B4GALNT3: variants seen among roughly 807,000 people sequenced by gnomAD.
B4GALNT3 encodes the protein beta-1,4-N-acetyl-galactosaminyltransferase 3, also known as beta-1,4-N-acetylgalactosaminyltransferase 3.
In B4GALNT3, 86 loss-of-function variants were observed where a neutral mutation model predicts 120.2. The observed-to-expected ratio is 0.72, with a 90% CI of 0.60 to 0.86. The LOEUF (loss-of-function observed/expected upper bound fraction) is 0.86. B4GALNT3 is among the 40% of genes least tolerant of loss of function. The probability of loss-of-function intolerance (pLI) is 0.00; values close to 1 mark genes in which losing one functional copy is unlikely to be tolerated. For missense variants in B4GALNT3, 1,167 were observed against 1,298.9 expected (o/e 0.90, Z 1.56); for synonymous variants, 518 against 510.4 (o/e 1.01, Z -0.20).
chr12:524,123 C>T, intron 1 of B4GALNT3, among the ~76,000 whole-genome samples: 1 of 152,140 alleles, frequency 6.6e-6, no homozygotes, highest in East Asian at 1.9e-4. Context: ...GTTGACTAAA[C>T]CATACAACCC....
rs778555908 is a variant in B4GALNT3, at chr12:553,333, C to T, written c.1410C>T (p.Tyr470=). ...CCCTGGAGCAAGATGCCACTGACTA[C>T]CGCCTCCGAAGCCTGCGGAAACTCC... is the stretch of plus-strand genomic sequence containing the variant. The part of the protein sequence containing the change: ...ASTLEQDATD[Y]RLRSLRKLLA... The change falls in exon 14 of 20, where the codon TAC becomes TAT. Residue 470 remains tyrosine (Y), a synonymous_variant. Coordinates refer to ENST00000266383, the MANE Select transcript of B4GALNT3 (RefSeq NM_173593.4). The T allele has an allele frequency of 1.9e-5, 30 of 1,613,662 alleles. No homozygotes were observed. The highest frequency in any genetic ancestry group is 2.5e-5 in the Non-Finnish European group (30 of 1,180,054).
intron 1 of B4GALNT3, among the ~76,000 whole-genome samples, chr12:533,703 T>A (rs1292747286): frequency 6.6e-6 from 1 of 152,128 alleles, no homozygotes; most frequent in Non-Finnish European, 1.5e-5. Context: ...GTCATGGAGC[T>A]GGCCTCTCAG....
At chr12:484,105 A>T (rs985819585) in intron 1 of B4GALNT3, among the ~76,000 whole-genome samples, 1 of 152,262 alleles carries the variant, frequency 6.6e-6, no homozygotes, top group African/African-American at 2.4e-5. Context: ...CTAATCCCGT[A>T]CCAGCGACTT....
chr12:495,507 T>C (rs1946380271), intron 1 of B4GALNT3, among the ~76,000 whole-genome samples: 1 of 152,188 alleles, frequency 6.6e-6, no homozygotes, highest in Admixed American at 6.5e-5. Context: ...ACCTCTAAGG[T>C]TGCCTCCTAT....
At chr12:469,813 AT>A (rs113813238) in intron 1 of B4GALNT3, among the ~76,000 whole-genome samples, 1 of 152,008 alleles carries the variant, frequency 6.6e-6, no homozygotes, top group Admixed American at 6.5e-5. Context: ...TTATTTATTT[AT>A]TTTTAAAAAA....
chr12:518,067 G>A (rs952364005), intron 1 of B4GALNT3, among the ~76,000 whole-genome samples: 1 of 152,150 alleles, frequency 6.6e-6, no homozygotes, highest in African/African-American at 2.4e-5. Context: ...CAGGGCTGTT[G>A]TGCATTGGAA....
chr12:504,804 T>C (rs1391438288), intron 1 of B4GALNT3, among the ~76,000 whole-genome samples: 4 of 152,120 alleles, frequency 2.6e-5, no homozygotes, highest in African/African-American at 9.7e-5. Context: ...CTGCCCTTAA[T>C]TCCCTTAACC....
chr12:557,390 C>T (rs954227588), intron 15 of B4GALNT3, among the ~76,000 whole-genome samples: 3 of 152,088 alleles, frequency 2.0e-5, no homozygotes, highest in South Asian at 2.1e-4. Flanking sequence ...GAGGAGGGAA[C>T]GTGGGGAGCA....
intron 1 of B4GALNT3, among the ~76,000 whole-genome samples, chr12:513,788 T>C (rs1946623053): frequency 6.6e-6 from 1 of 152,210 alleles, no homozygotes; most frequent in African/African-American, 2.4e-5. Flanking sequence ...GCGGTCTCCC[T>C]ATGTTGCCCA....
chr12:544,910 T>C lies in B4GALNT3; in HGVS notation c.476T>C (p.Val159Ala), dbSNP rs770668523. ...HIRTTLRKLA[V>A]SPKWTNYGLR... ...CGCACAACCCTGAGGAAGCTTGCTGTGTCCCCCAAATGGACCAACTATGGC... is the reference window on the plus strand; with the variant it reads ...CGCACAACCCTGAGGAAGCTTGCTGCGTCCCCCAAATGGACCAACTATGGC... Residue 159 changes from valine (V) to alanine (A), a missense_variant, in exon 5 of 20, where the codon GTG becomes GCG. By Grantham distance (64) the Val-to-Ala change is moderately conservative. Transcript: ENST00000266383. 2.1e-5 allele frequency: 34 copies of C among 1,614,088 alleles called. No individual in the cohort carries two copies. The highest frequency in any genetic ancestry group is 3.3e-4 in the Middle Eastern group (2 of 6,060).
At chr12:514,406 C>T (rs1398778836) in intron 1 of B4GALNT3, among the ~76,000 whole-genome samples, 1 of 151,776 alleles carries the variant, frequency 6.6e-6, no homozygotes, top group Non-Finnish European at 1.5e-5. Flanking sequence ...ACCGTGTTAG[C>T]CAGGATGGTC....
At chr12:556,234 C>T (rs866778358) in intron 14 of B4GALNT3, among the ~76,000 whole-genome samples, 7 of 152,098 alleles carry the variant, frequency 4.6e-5, no homozygotes, top group Non-Finnish European at 5.9e-5. Flanking sequence ...TTGATTCGAC[C>T]GTTTTTATTG....
intron 1 of B4GALNT3, among the ~76,000 whole-genome samples, chr12:480,815 G>C (rs1406202999): frequency 2.6e-5 from 4 of 152,196 alleles, no homozygotes; most frequent in Admixed American, 6.5e-5. Flanking sequence ...GGAGCCTTTG[G>C]CGGGAGAGGC....
At chr12:509,699 T>A (rs945510621) in intron 1 of B4GALNT3, among the ~76,000 whole-genome samples, 1 of 152,138 alleles carries the variant, frequency 6.6e-6, no homozygotes, top group Non-Finnish European at 1.5e-5. Flanking sequence ...GATTCCAGAC[T>A]GTCAGGAGGG....
intron 9 of B4GALNT3, among the ~76,000 whole-genome samples, chr12:549,194 C>G (rs1240188641): frequency 1.3e-5 from 2 of 152,180 alleles, no homozygotes; most frequent in African/African-American, 4.8e-5. Context: ...AAGAAGCAGC[C>G]AGCCCCCCAC....
At chr12:510,502 G>GTTGGCTGGGCTGGGA (rs1565597382) in intron 1 of B4GALNT3, among the ~76,000 whole-genome samples, 80 of 147,358 alleles carry the variant, frequency 5.4e-4, no homozygotes, top group South Asian at 1.1e-3. Flanking sequence ...GGAGGGAAAC[G>GTTGGCTGGGCTGGGA]GGCCCTTTCA....
intron 13 of B4GALNT3, chr12:552,961 C>T: frequency 1.7e-6 from 1 of 593,910 alleles, no homozygotes; most frequent in East Asian, 2.9e-5. Flanking sequence ...CTCACTCAGT[C>T]TTCACAAACC....
intron 4 of B4GALNT3, 73 bp from the exon 5 acceptor site, chr12:544,809 T>C: frequency 6.7e-7 from 1 of 1,489,232 alleles, no homozygotes; most frequent in Non-Finnish European, 9.3e-7. Context: ...CTCCTGGTCT[T>C]CCCGCCAATC....
Position 518,288 on chromosome 12 carries a change from G to A in B4GALNT3, c.170-16878G>A, listed in dbSNP as rs187996844. On this transcript the variant is annotated intron_variant, in intron 1 of 19. Coordinates refer to ENST00000266383, the MANE Select transcript of B4GALNT3 (RefSeq NM_173593.4). ...TCAGAGCCAAACAAGGCAGCTATGC[G>A]CAGTTGTCTCTTGGTATCCACGACG... 1.6e-3 allele frequency among the ~76,000 whole-genome samples: 237 copies of A among 152,278 alleles called. 1 individual carries two copies. Among genetic ancestry groups the A allele is most frequent in the African/African-American group, 5.3e-3 (222 of 41,548 alleles).
Sources: gnomAD v4.1 joint callset for allele counts (sites outside exome capture counted in the v4.1 genomes callset) on GRCh38, gnomAD v4.1.1 for gene constraint, MANE v1.5 for transcripts, NCBI Gene and HGNC (gene_info 2026-07-23, HGNC 2026-07-21) for gene names.